The following STXBP5 variants were observed in gnomAD, a reference collection of about 807,000 sequenced individuals.
STXBP5 encodes the protein syntaxin-binding protein 5.
STXBP5 carries 50 observed loss-of-function variants against 152.4 expected under a neutral mutation model. The ratio of observed to expected loss-of-function variants is 0.33; its 90% confidence interval spans 0.26 to 0.42. STXBP5 has a LOEUF of 0.42. STXBP5 is among the 10% of genes least tolerant of loss of function. The pLI is 1.00. For synonymous variants in STXBP5, 492 were observed against 494.7 expected, an observed-to-expected ratio of 0.99 and a Z score of 0.07; for missense variants, 1,167 against 1,388.6, an observed-to-expected ratio of 0.84 and a Z score of 2.54.
chr6:147,316,374 C>T lies in STXBP5; in HGVS notation c.1769C>T (p.Ser590Phe). Residue 590 changes from serine (S) to phenylalanine (F), a missense_variant, in exon 16 of 28, where the codon TCT (serine) becomes TTT (phenylalanine). By Grantham distance (155) the Ser-to-Phe change is radical (BLOSUM62 -2). This residue lies in a region of STXBP5 where 833 missense variants were observed against 986.3 expected (regional missense o/e 0.84). Coordinates refer to ENST00000321680, the MANE Select transcript of STXBP5 (RefSeq NM_001127715.4). ...QSHPSTSSSSSDGLRDNVPCL... is the reference protein window; with the variant it reads ...QSHPSTSSSSFDGLRDNVPCL... ...CATCCATCTACCAGTAGCAGTTCAT[C>T]TGATGGGCTTCGTGATAATGTACCT... The T allele has an allele frequency of 1.3e-6, 2 of 1,580,266 alleles. No individual in the cohort carries two copies. Among genetic ancestry groups the T allele is most frequent in the Middle Eastern group, 1.7e-4 (1 of 5,876 alleles).
chr6:147,344,663 A>G (rs929700360), intron 21 of STXBP5, among the ~76,000 whole-genome samples: 1 of 152,260 alleles, frequency 6.6e-6, no homozygotes, highest in East Asian at 1.9e-4. Flanking sequence ...GAACCAATCA[A>G]ATTGGATTAG....
At chr6:147,314,124 A>G (rs768282580) in intron 12 of STXBP5, 93 bp downstream of exon 12, 30 of 1,489,368 alleles carry the variant, frequency 2.0e-5, no homozygotes, top group Non-Finnish European at 2.5e-5. Flanking sequence ...TACCTTTTCT[A>G]TGGAAAATAG....
At chr6:147,356,208 G>A (rs955634472) in intron 22 of STXBP5, among the ~76,000 whole-genome samples, 1 of 151,868 alleles carries the variant, frequency 6.6e-6, no homozygotes, top group East Asian at 1.9e-4. Context: ...TAAAATATAG[G>A]TTGTTGTGAA....
At chr6:147,315,017 A>G (rs1293480418) in intron 14 of STXBP5, among the ~76,000 whole-genome samples, 5 of 150,230 alleles carry the variant, frequency 3.3e-5, no homozygotes, top group African/African-American at 9.9e-5. Context: ...TGGTGGTTAC[A>G]TAGTAGCAAA....
At chr6:147,260,439 T>G (rs982469876) in intron 4 of STXBP5, among the ~76,000 whole-genome samples, 176 bp from the exon 5 acceptor site, 2 of 152,160 alleles carry the variant, frequency 1.3e-5, no homozygotes, top group Non-Finnish European at 2.9e-5. Flanking sequence ...GGCCTTATGT[T>G]TGATGTATAA....
In STXBP5 at chr6:147,382,884, A is replaced by G; in HGVS notation, c.3300A>G (p.Glu1100=). 6.2e-7 allele frequency: 1 copy of G among 1,613,530 alleles called. No homozygotes were observed. The highest frequency in any genetic ancestry group is 2.2e-5 in the East Asian group (1 of 44,834). The change falls in exon 27 of 28, where the codon GAA becomes GAG. Residue 1100 remains glutamate, a synonymous_variant. Coordinates refer to ENST00000321680, the MANE Select transcript of STXBP5 (RefSeq NM_001127715.4). ...GGGCAGCATCTGGAGTTGTTGGTGA[A>G]TTAGCACGAGCCAGGCTGGCACTAG... ...VKGAASGVVG[E]LARARLALDE...
At chr6:147,220,954 C>A (rs73582509) in intron 2 of STXBP5, among the ~76,000 whole-genome samples, 1 of 151,946 alleles carries the variant, frequency 6.6e-6, no homozygotes, top group African/African-American at 2.4e-5. Flanking sequence ...TTTTGTTTCC[C>A]GTTCTTTTTA....
intron 23 of STXBP5, among the ~76,000 whole-genome samples, chr6:147,360,212 G>GT (rs1442047351): frequency 6.6e-6 from 1 of 152,130 alleles, no homozygotes; most frequent in Non-Finnish European, 1.5e-5. Flanking sequence ...CTGTAAACTA[G>GT]TTCAACCATT....
chr6:147,283,949 T>G (rs1780827393), intron 8 of STXBP5, among the ~76,000 whole-genome samples: 1 of 152,176 alleles, frequency 6.6e-6, no homozygotes, highest in Non-Finnish European at 1.5e-5. Flanking sequence ...AATAGAAAGG[T>G]AACGTGAGCT....
chr6:147,292,972 G>A (rs978869812), intron 9 of STXBP5: 1 of 152,098 alleles, frequency 6.6e-6, no homozygotes, highest in African/African-American at 2.4e-5. Flanking sequence ...ATGATCAGTG[G>A]TGGACTGTAT....
intron 18 of STXBP5, among the ~76,000 whole-genome samples, chr6:147,329,921 C>G (rs1278756866): frequency 2.6e-5 from 4 of 152,130 alleles, no homozygotes; most frequent in Admixed American, 1.3e-4. Context: ...GCCACCGCGC[C>G]CGGCCTCTTC....
At chr6:147,215,056 A>G (rs1297145746) in intron 2 of STXBP5, among the ~76,000 whole-genome samples, 1 of 152,236 alleles carries the variant, frequency 6.6e-6, no homozygotes, top group Non-Finnish European at 1.5e-5. Flanking sequence ...AAATTATGGT[A>G]GGCTTTATGG....
At chr6:147,279,490 A>G (rs1364786739) in intron 8 of STXBP5, among the ~76,000 whole-genome samples, 4 of 152,358 alleles carry the variant, frequency 2.6e-5, no homozygotes, top group Non-Finnish European at 5.9e-5. Context: ...AATGAAAGAA[A>G]CAGTAAAATT....
At chr6:147,251,942 CAG>C (rs1779118472) in intron 4 of STXBP5, among the ~76,000 whole-genome samples, 1 of 152,184 alleles carries the variant, frequency 6.6e-6, no homozygotes, top group Non-Finnish European at 1.5e-5. Flanking sequence ...CCCAGGCAAA[CAG>C]GGTCTGGAGT....
At chr6:147,383,040 A>G (rs1583021558) in intron 27 of STXBP5, 42 bp downstream of exon 27, 2 of 1,598,614 alleles carry the variant, frequency 1.3e-6, no homozygotes, top group Non-Finnish European at 8.6e-7. Flanking sequence ...AGCTCTAGGT[A>G]AAGCAAGTGT....
intron 2 of STXBP5, among the ~76,000 whole-genome samples, chr6:147,222,048 C>T (rs564832775): frequency 6.6e-4 from 100 of 152,108 alleles, no homozygotes; most frequent in African/African-American, 2.3e-3. Flanking sequence ...ACTATGGAGT[C>T]TGTCAAAGGC....
At chr6:147,355,105 C>T (rs970076332) in intron 22 of STXBP5, among the ~76,000 whole-genome samples, 24 of 152,168 alleles carry the variant, frequency 1.6e-4, no homozygotes, top group African/African-American at 4.8e-4. Context: ...ACTATAGCTT[C>T]ACCATCCTGG....
rs963284575 is a variant in STXBP5 at position 147,204,944 on chromosome 6, AT to A, written c.150+263del. ...CAGTTCAAGGTTGCTTCAAACTATT[AT>A]CCGACCTTTAATCGTATTCTGACAC... On this transcript the variant is annotated intron_variant, in intron 1 of 27. Transcript: ENST00000321680. The surrounding 1 kb of genome is among the most constrained non-coding windows in gnomAD (Gnocchi z 4.3). Among the ~76,000 whole-genome samples, 19 of 152,156 alleles carry A rather than the reference AT, an allele frequency of 1.2e-4. No homozygotes were observed. Among genetic ancestry groups the A allele is most frequent in the Admixed American group, 4.6e-4 (7 of 15,276 alleles).
At chr6:147,294,337 G>C (rs1249354654) in intron 9 of STXBP5, among the ~76,000 whole-genome samples, 3 of 151,772 alleles carry the variant, frequency 2.0e-5, no homozygotes, top group Non-Finnish European at 4.4e-5. Context: ...TCTGCTTGTT[G>C]CTTTATCTGT....
Sources: allele counts gnomAD v4.1 joint callset (sites outside exome capture counted in the v4.1 genomes callset), GRCh38; gene constraint gnomAD v4.1.1; regional missense constraint gnomAD v4.1.1; non-coding constraint Gnocchi (gnomAD v3.1); transcripts MANE v1.5; gene names NCBI Gene and HGNC (gene_info 2026-07-23, HGNC 2026-07-21).